SLC35F4: variants seen among roughly 807,000 people sequenced by gnomAD.
SLC35F4 encodes solute carrier family 35 member F4.
In SLC35F4, 24 loss-of-function variants were observed where a neutral mutation model predicts 44.2. That is an observed-to-expected ratio of 0.54 (90% CI 0.39 to 0.76). SLC35F4 has a LOEUF of 0.76. Among genes scored for constraint, SLC35F4 ranks in the 30% least tolerant of loss-of-function variants. The probability of loss-of-function intolerance (pLI) is 0.00; values close to 1 mark genes in which losing one functional copy is unlikely to be tolerated. For synonymous variants in SLC35F4, 238 were observed against 223.6 expected, an observed-to-expected ratio of 1.06 and a Z score of -0.57; for missense variants, 562 against 586.1, an observed-to-expected ratio of 0.96 and a Z score of 0.42.
chr14:57,713,164 G>A (rs1014134474), intron 1 of SLC35F4, among the ~76,000 whole-genome samples: 1 of 152,150 alleles, frequency 6.6e-6, no homozygotes, highest in Admixed American at 6.6e-5. Context: ...CTTGGTTTAA[G>A]TCTTATTATC....
intron 1 of SLC35F4, among the ~76,000 whole-genome samples, chr14:57,937,928 C>G (rs1411328208): frequency 3.3e-5 from 5 of 152,190 alleles, no homozygotes; most frequent in African/African-American, 1.2e-4. Flanking sequence ...ACATCACATG[C>G]ACATTTCTAC....
chr14:57,846,124 A>G (rs1886001003), intron 1 of SLC35F4, among the ~76,000 whole-genome samples: 1 of 152,218 alleles, frequency 6.6e-6, no homozygotes, highest in Non-Finnish European at 1.5e-5. Flanking sequence ...AAAAACACCA[A>G]GAGATGTCTT....
chr14:57,849,229 C>T (rs1042107093), intron 1 of SLC35F4, among the ~76,000 whole-genome samples: 55 of 152,128 alleles, frequency 3.6e-4, no homozygotes, highest in Non-Finnish European at 3.8e-4. Flanking sequence ...GGCATGATCT[C>T]GAGCTCACTG....
rs148292480 is a variant in SLC35F4, at chr14:57,647,850, G to A, written c.104-53726C>T. Among the ~76,000 whole-genome samples the A allele has an allele frequency of 8.6e-5, 13 of 152,040 alleles. No homozygotes were observed. In the East Asian group the frequency reaches 1.5e-3, roughly 18 times the overall value. ...CCCCCAGGCGATGTCTGATCACCCC[G>A]GCCTGTCCTCAGCAAGAATCCTGTT... On this transcript the variant is annotated intron_variant, in intron 1 of 7. Coordinates refer to ENST00000556826, the MANE Select transcript of SLC35F4 (RefSeq NM_001306087.2).
At chr14:57,705,789 G>T (rs2075657504) in intron 1 of SLC35F4, among the ~76,000 whole-genome samples, 1 of 152,074 alleles carries the variant, frequency 6.6e-6, no homozygotes, top group Non-Finnish European at 1.5e-5. Flanking sequence ...TTTAATTAAA[G>T]CCTTTGACTG....
chr14:57,829,321 T>A (rs1433558756), intron 1 of SLC35F4, among the ~76,000 whole-genome samples: 1 of 152,040 alleles, frequency 6.6e-6, no homozygotes, highest in Non-Finnish European at 1.5e-5. Context: ...TAGGTCTGGG[T>A]CGTGGGGGAA....
chr14:57,728,100 C>A lies in SLC35F4; in HGVS notation c.104-133976G>T, dbSNP rs555839800. On this transcript the variant is annotated intron_variant, in intron 1 of 7. Coordinates refer to ENST00000556826, the MANE Select transcript of SLC35F4 (RefSeq NM_001306087.2). Reference sequence around the variant, plus strand: ...GCATATATATTTATAAGCATTATTTCCCCTTGCTAAGTTGACCCCTTTAAC... The same window carrying A: ...GCATATATATTTATAAGCATTATTTACCCTTGCTAAGTTGACCCCTTTAAC... Among the ~76,000 whole-genome samples the A allele has an allele frequency of 1.2e-3, 185 of 152,254 alleles. 1 individual carries two copies. The highest frequency in any genetic ancestry group is 2.1e-3 in the Non-Finnish European group (144 of 68,024).
At chr14:57,823,077 T>C (rs1883346972) in intron 1 of SLC35F4, among the ~76,000 whole-genome samples, 1 of 152,012 alleles carries the variant, frequency 6.6e-6, no homozygotes, top group Non-Finnish European at 1.5e-5. Flanking sequence ...ATCATGACAC[T>C]CCACTGTTTA....
chr14:57,738,787 A>ATATG lies in SLC35F4; in HGVS notation c.103+126935_103+126936insCATA, dbSNP rs1491518109. 2.6e-3 allele frequency among the ~76,000 whole-genome samples: 248 copies of ATATG among 96,920 alleles called. 1 individual carries two copies. The highest frequency in any genetic ancestry group is 3.9e-3 in the Non-Finnish European group (187 of 48,378). 63.6% of individuals were successfully genotyped at this position (96,920 alleles called of 152,430 possible). On this transcript the variant is annotated intron_variant, in intron 1 of 7. Coordinates refer to ENST00000556826, the MANE Select transcript of SLC35F4 (RefSeq NM_001306087.2). ...TATATATATATATATATATATATAT[A>ATATG]GGCTTCATATGTATACATGTATATA...
intron 1 of SLC35F4, among the ~76,000 whole-genome samples, chr14:57,800,531 G>T (rs2078166265): frequency 6.6e-6 from 1 of 152,172 alleles, no homozygotes; most frequent in African/African-American, 2.4e-5. Context: ...TGAATTGACA[G>T]AAGTAGGCTT....
intron 1 of SLC35F4, chr14:57,630,382 A>G: frequency 3.1e-6 from 2 of 640,592 alleles, no homozygotes; most frequent in Non-Finnish European, 5.8e-6. Flanking sequence ...GCCATTCCAA[A>G]TATGATAGAT....
At chr14:57,839,584 A>G (rs8006045) in intron 1 of SLC35F4, among the ~76,000 whole-genome samples, 3,146 of 152,132 alleles carry the variant, frequency 0.021, 127 homozygotes, top group African/African-American at 0.069. Context: ...AAAAACACAC[A>G]CTGGGGCCTT....
chr14:57,966,886 T>C lies in SLC35F4; in HGVS notation n.282+15027A>G, dbSNP rs187962842. 1.8e-4 allele frequency among the ~76,000 whole-genome samples: 28 copies of C among 152,176 alleles called. No individual in the cohort carries two copies. In the East Asian group the frequency reaches 5.0e-3, roughly 27 times the overall value. ...TCAGCCGGGCATGGTGGCACATGCC[T>C]GTAATTCCAGCTACTCAGGAGACCG... On this transcript the variant is annotated intron_variant and non_coding_transcript_variant, in intron 1 of 1. Transcript: ENST00000556568.
chr14:57,965,383 G>C (rs1890419391), intron 1 of SLC35F4, among the ~76,000 whole-genome samples: 1 of 151,802 alleles, frequency 6.6e-6, no homozygotes, highest in Non-Finnish European at 1.5e-5. Context: ...ATTAAATTGG[G>C]CCCACCCACC....
intron 1 of SLC35F4, among the ~76,000 whole-genome samples, chr14:57,597,907 G>A (rs891413304): frequency 6.6e-6 from 1 of 152,178 alleles, no homozygotes; most frequent in Non-Finnish European, 1.5e-5. Flanking sequence ...GTATACAGTG[G>A]CTAAGAAACC....
At chr14:57,592,181 A>G (rs768020660) in intron 2 of SLC35F4, among the ~76,000 whole-genome samples, 1 of 152,240 alleles carries the variant, frequency 6.6e-6, no homozygotes, top group Non-Finnish European at 1.5e-5. Flanking sequence ...AAGTCATGCA[A>G]ATTGACAGCA....
At chr14:57,959,740 C>T (rs894002833) in intron 1 of SLC35F4, among the ~76,000 whole-genome samples, 1 of 152,100 alleles carries the variant, frequency 6.6e-6, no homozygotes, top group African/African-American at 2.4e-5. Context: ...GGTAACAATA[C>T]CTACCTCATA....
At chr14:57,724,942 A>T (rs949727268) in intron 1 of SLC35F4, among the ~76,000 whole-genome samples, 1 of 152,162 alleles carries the variant, frequency 6.6e-6, no homozygotes, top group Non-Finnish European at 1.5e-5. Flanking sequence ...GCTGTAGCCA[A>T]TGGTTTGGCT....
rs1309846237 is a variant in SLC35F4, at chr14:57,753,188, G to A, written c.103+112535C>T. ...TTCTGGTAGTCTTTGATGAAGTGGTGGTTTCTGCAAAGATGGCATGTATAA... is the reference window on the plus strand; with the variant it reads ...TTCTGGTAGTCTTTGATGAAGTGGTAGTTTCTGCAAAGATGGCATGTATAA... On this transcript the variant is annotated intron_variant, in intron 1 of 7. Transcript: ENST00000556826. Among the ~76,000 whole-genome samples, 8 of 152,162 alleles carry A rather than the reference G, an allele frequency of 5.3e-5. No homozygotes were observed. In the South Asian group the frequency reaches 1.7e-3, roughly 32 times the overall value.
Sources: gnomAD v4.1 joint callset for allele counts (sites outside exome capture counted in the v4.1 genomes callset) on GRCh38, gnomAD v4.1.1 for gene constraint, MANE v1.5 for transcripts, NCBI Gene and HGNC (gene_info 2026-07-23, HGNC 2026-07-21) for gene names.